Variants in VWC2 observed in about 807,000 individuals in gnomAD.
VWC2 encodes the protein brorin.
Under a neutral mutation model 29.8 loss-of-function variants are expected in VWC2, and 14 were observed. The observed-to-expected ratio is 0.47, with a 90% CI of 0.31 to 0.74. The LOEUF is 0.74. Among genes scored for constraint, VWC2 ranks in the 30% least tolerant of loss-of-function variants. The pLI is 0.05. For synonymous variants in VWC2, 213 were observed against 199.0 expected, an observed-to-expected ratio of 1.07 and a Z score of -0.59; for missense variants, 457 against 459.8, an observed-to-expected ratio of 0.99 and a Z score of 0.05.
At chr7:49,817,855 TA>T (rs1158787422) in intron 3 of VWC2, among the ~76,000 whole-genome samples, 2 of 152,220 alleles carry the variant, frequency 1.3e-5, no homozygotes, top group African/African-American at 4.8e-5. Flanking sequence ...CATTATCATA[TA>T]GGGGGAAAAA....
chr7:49,789,636 G>A (rs79477169), intron 2 of VWC2, among the ~76,000 whole-genome samples: 3,921 of 152,116 alleles, frequency 0.026, 200 homozygotes, highest in African/African-American at 0.09. Flanking sequence ...TTCTCCCAAG[G>A]ATTACTTAGC....
At chr7:49,806,681 G>C (rs893515686) in intron 3 of VWC2, among the ~76,000 whole-genome samples, 6 of 152,004 alleles carry the variant, frequency 3.9e-5, no homozygotes, top group Non-Finnish European at 8.8e-5. Flanking sequence ...GGATAAGATG[G>C]TAGTAAATGT....
At chr7:49,774,294 G>T (rs1300231022) in intron 1 of VWC2, among the ~76,000 whole-genome samples, 181 bp downstream of exon 1, 2 of 152,156 alleles carry the variant, frequency 1.3e-5, no homozygotes, top group African/African-American at 4.8e-5. Context: ...CGGGCAGGGG[G>T]TCAGCAGGGC....
intron 2 of VWC2, among the ~76,000 whole-genome samples, chr7:49,791,424 A>G (rs985641210): frequency 1.3e-5 from 2 of 152,254 alleles, no homozygotes; most frequent in African/African-American, 4.8e-5. Context: ...AATGAATACA[A>G]CAAAAGTGGT....
intron 2 of VWC2, among the ~76,000 whole-genome samples, chr7:49,793,194 T>C (rs1256191876): frequency 6.6e-6 from 1 of 152,222 alleles, no homozygotes; most frequent in African/African-American, 2.4e-5. Flanking sequence ...ACTTCATAAA[T>C]GACCTTTGAT....
intron 3 of VWC2, among the ~76,000 whole-genome samples, chr7:49,815,286 G>A (rs1201396421): frequency 6.6e-6 from 1 of 152,172 alleles, no homozygotes; most frequent in Middle Eastern, 3.2e-3. Flanking sequence ...AGAGGGGGAA[G>A]AAGTGAGTAA....
intron 3 of VWC2, among the ~76,000 whole-genome samples, chr7:49,829,121 G>A (rs936051804): frequency 1.3e-5 from 2 of 152,168 alleles, no homozygotes; most frequent in African/African-American, 2.4e-5. Context: ...ATCTTGCAAT[G>A]AGAGTTGTCT....
Position 49,775,738 on chromosome 7 carries a change from C to A in VWC2, c.303C>A (p.Gly101=), listed in dbSNP as rs200808885. Residue 101 remains glycine, a synonymous_variant, in exon 2 of 4, where the codon GGC becomes GGA. Coordinates refer to ENST00000340652, the MANE Select transcript of VWC2 (RefSeq NM_198570.5). Reference sequence around the variant, plus strand: ...TGAAGCAGGCCTGGGTCTCCCAGGGCGGGGGCGCCAAGGCCGGGGATCTGC... The same window carrying A: ...TGAAGCAGGCCTGGGTCTCCCAGGGAGGGGGCGCCAAGGCCGGGGATCTGC... The part of the protein sequence containing the change: ...SKLKQAWVSQ[G]GGAKAGDLQV... 1,938 of 1,512,146 alleles carry A rather than the reference C, an allele frequency of 1.3e-3. 9 individuals carry two copies. In the Middle Eastern group the frequency reaches 0.016, roughly 13 times the overall value. 93.7% of individuals were successfully genotyped at this position (1,512,146 alleles called of 1,614,324 possible).
In VWC2 at chr7:49,898,307, A is replaced by T. The variant is rs139546584; in HGVS notation, c.827-13727A>T. Among the ~76,000 whole-genome samples, 693 of 151,628 alleles carry T rather than the reference A, an allele frequency of 4.6e-3. 3 individuals carry two copies. The highest frequency in any genetic ancestry group is 8.4e-3 in the Non-Finnish European group (571 of 67,942). On this transcript the variant is annotated intron_variant, in intron 3 of 3. Transcript: ENST00000340652. ...ATCTTTTAAATCAAGGTAAGAAAAC[A>T]TCGAAGTTTTTTTTTTTAAAAAAAC...
intron 3 of VWC2, among the ~76,000 whole-genome samples, chr7:49,906,209 C>T (rs1467787868): frequency 6.6e-6 from 1 of 152,156 alleles, no homozygotes; most frequent in Non-Finnish European, 1.5e-5. Context: ...AATCCAAGAA[C>T]CCTCACTTGG....
At chr7:49,776,462 C>T (rs1788056477) in intron 2 of VWC2, among the ~76,000 whole-genome samples, 1 of 152,172 alleles carries the variant, frequency 6.6e-6, no homozygotes, top group African/African-American at 2.4e-5. Flanking sequence ...GGAATGTTGT[C>T]GGTGAAATTC....
chr7:49,803,592 C>T (rs1304629665), intron 3 of VWC2, among the ~76,000 whole-genome samples: 1 of 152,236 alleles, frequency 6.6e-6, no homozygotes, highest in East Asian at 1.9e-4. Context: ...ACAGGAGCGA[C>T]TGGGCTTTCT....
chr7:49,776,047 G>A lies in VWC2; in HGVS notation c.612G>A (p.Thr204=), dbSNP rs1261371262. The A allele has an allele frequency of 1.3e-6, 2 of 1,551,638 alleles. No individual in the cohort carries two copies. Among genetic ancestry groups the A allele is most frequent in the African/African-American group, 1.4e-5 (1 of 73,638 alleles). ...RLHPRCIHVD[T]SQCCPQCKER... ...ACCCGCGCTGCATCCACGTCGACAC[G>A]AGCCAGTGCTGCCCGCAGTGCAAGG... is the stretch of plus-strand genomic sequence containing the variant. Residue 204 remains threonine (T), a synonymous_variant, in exon 2 of 4, where the codon ACG becomes ACA. Transcript: ENST00000340652.
intron 2 of VWC2, among the ~76,000 whole-genome samples, chr7:49,789,136 GATGT>G (rs1788394490): frequency 2.0e-5 from 3 of 147,760 alleles, no homozygotes; most frequent in Admixed American, 6.7e-5. Context: ...TGTGTGAATG[GATGT>G]ATGAGAATGT....
At chr7:49,804,612 TA>T (rs1472590379) in intron 3 of VWC2, among the ~76,000 whole-genome samples, 1 of 152,210 alleles carries the variant, frequency 6.6e-6, no homozygotes, top group Non-Finnish European at 1.5e-5. Context: ...GTGTTAACAA[TA>T]GGTGAGAAGA....
chr7:49,851,467 C>T (rs1044635199), intron 3 of VWC2, among the ~76,000 whole-genome samples: 4 of 152,140 alleles, frequency 2.6e-5, no homozygotes, highest in African/African-American at 9.7e-5. Flanking sequence ...ACTTGCTTAG[C>T]GCAATGTTAT....
At position 49,865,318 on chromosome 7, in the gene VWC2, T is replaced by A. The variant is rs993976280; in HGVS notation, c.827-46716T>A. 5.9e-5 allele frequency among the ~76,000 whole-genome samples: 9 copies of A among 152,186 alleles called. No homozygotes were observed. The East Asian group carries it at 7.7e-4, about 13-fold the overall frequency. On this transcript the variant is annotated intron_variant, in intron 3 of 3. Coordinates refer to ENST00000340652, the MANE Select transcript of VWC2 (RefSeq NM_198570.5). ...CAAGTAATAGATTCTCTCCTATCCA[T>A]TTTGATATCTTTGATAATTTACTGA... is the stretch of plus-strand genomic sequence containing the variant.
intron 3 of VWC2, among the ~76,000 whole-genome samples, chr7:49,817,222 T>C (rs1789167855): frequency 6.6e-6 from 1 of 152,230 alleles, no homozygotes; most frequent in Admixed American, 6.5e-5. Context: ...AGCTGCTTGG[T>C]CATTAATACA....
Position 49,921,042 on chromosome 7 carries a change from C to T in VWC2, c.*8857C>T, listed in dbSNP as rs940625905. 2.0e-5 allele frequency: 3 copies of T among 152,176 alleles called. No individual in the cohort carries two copies. The highest frequency in any genetic ancestry group is 7.2e-5 in the African/African-American group (3 of 41,436). 9.4% of individuals were successfully genotyped at this position (152,176 alleles called of 1,614,324 possible). A position where few individuals can be genotyped will look rare whatever the true frequency, so the allele number is the denominator to read the frequency against. On this transcript the variant is annotated 3_prime_UTR_variant, in exon 4 of 4. Coordinates refer to ENST00000340652, the MANE Select transcript of VWC2 (RefSeq NM_198570.5). ...TGTCCTGTACAAATTTATTAAACAACATCAATTTTACCTAACAACTGTAAC... is the reference window on the plus strand; with the variant it reads ...TGTCCTGTACAAATTTATTAAACAATATCAATTTTACCTAACAACTGTAAC...
Sources: allele counts gnomAD v4.1 joint callset (sites outside exome capture counted in the v4.1 genomes callset), GRCh38; gene constraint gnomAD v4.1.1; transcripts MANE v1.5; gene names NCBI Gene and HGNC (gene_info 2026-07-23, HGNC 2026-07-21).